The following GRIP1 variants were observed in gnomAD, a reference collection of about 807,000 sequenced individuals.
GRIP1 encodes the protein glutamate receptor interacting protein 1.
GRIP1 carries 45 observed loss-of-function variants against 129.9 expected under a neutral mutation model. That is an observed-to-expected ratio of 0.35 (90% confidence interval 0.27 to 0.44). GRIP1 has a LOEUF of 0.44. Among genes scored for constraint, GRIP1 ranks in the 20% least tolerant of loss-of-function variants. The pLI is 1.00. For missense variants in GRIP1, 1,196 were observed against 1,396.8 expected, an observed-to-expected ratio of 0.86 and a Z score of 2.29; for synonymous variants, 530 against 520.8, an observed-to-expected ratio of 1.02 and a Z score of -0.24.
intron 2 of GRIP1, among the ~76,000 whole-genome samples, chr12:66,561,915 G>A (rs2139404582): frequency 6.6e-6 from 1 of 152,090 alleles, no homozygotes; most frequent in South Asian, 2.1e-4. Flanking sequence ...ACAACTTGGT[G>A]AAACTCTGTC....
chr12:66,827,682 T>G (rs2137006745), intron 1 of GRIP1, among the ~76,000 whole-genome samples: 1 of 152,226 alleles, frequency 6.6e-6, no homozygotes, highest in East Asian at 1.9e-4. Flanking sequence ...GATTCAACTT[T>G]AGTGCAAGAA....
chr12:67,053,791 T>A (rs2043386533), intron 1 of GRIP1, among the ~76,000 whole-genome samples: 1 of 150,404 alleles, frequency 6.6e-6, no homozygotes, highest in Non-Finnish European at 1.5e-5. Context: ...TGAGCCGAGA[T>A]CGCACCACTG....
chr12:66,681,606 G>A (rs567481752), upstream of GRIP1, among the ~76,000 whole-genome samples: 1 of 152,268 alleles, frequency 6.6e-6, no homozygotes, highest in South Asian at 2.1e-4. Context: ...TGGTGGCTCA[G>A]CTGTCTAGAC....
intron 2 of GRIP1, among the ~76,000 whole-genome samples, chr12:66,581,751 T>G (rs1007821833): frequency 2.0e-5 from 3 of 152,142 alleles, no homozygotes; most frequent in African/African-American, 7.2e-5. Context: ...GCTGAAATTG[T>G]GGCAATAATC....
At chr12:66,394,740 A>G (rs1388092258) in intron 16 of GRIP1, among the ~76,000 whole-genome samples, 1 of 152,254 alleles carries the variant, frequency 6.6e-6, no homozygotes. Context: ...AGAGTCACTC[A>G]GTAACAAAGA....
intron 1 of GRIP1, among the ~76,000 whole-genome samples, chr12:66,843,826 A>G (rs779720294): frequency 2.0e-5 from 3 of 152,166 alleles, no homozygotes; most frequent in South Asian, 4.1e-4. Flanking sequence ...ATATTTAAAC[A>G]TAACAGCAAA....
chr12:66,757,155 C>T (rs2037318082), intron 1 of GRIP1, among the ~76,000 whole-genome samples: 3 of 152,028 alleles, frequency 2.0e-5, no homozygotes, highest in Admixed American at 1.3e-4. Context: ...TGACGGTTGT[C>T]ACCCTGTTGT....
At chr12:66,798,151 C>G (rs902236892) in intron 1 of GRIP1, among the ~76,000 whole-genome samples, 14 of 152,034 alleles carry the variant, frequency 9.2e-5, no homozygotes, top group African/African-American at 2.9e-4. Context: ...TAAATAGAAG[C>G]CTTGGTGATC....
At chr12:66,827,413 A>AGC (rs1555242980) in intron 1 of GRIP1, among the ~76,000 whole-genome samples, 1 of 150,888 alleles carries the variant, frequency 6.6e-6, no homozygotes, top group Non-Finnish European at 1.5e-5. Context: ...AGAGAGAGAG[A>AGC]GAGCGCACAA....
intron 1 of GRIP1, among the ~76,000 whole-genome samples, chr12:66,646,510 G>A (rs528377117): frequency 3.7e-4 from 57 of 152,198 alleles, no homozygotes; most frequent in Non-Finnish European, 6.6e-4. Context: ...TGCAGTCCCA[G>A]TGACTTGGGA....
chr12:66,853,614 G>A (rs1423561482), intron 1 of GRIP1, among the ~76,000 whole-genome samples: 3 of 151,780 alleles, frequency 2.0e-5, no homozygotes, highest in African/African-American at 7.3e-5. Context: ...TGAACACCAC[G>A]TTTATAAAGA....
At chr12:66,377,568 T>G (rs1407186124) in intron 20 of GRIP1, among the ~76,000 whole-genome samples, 1 of 150,020 alleles carries the variant, frequency 6.7e-6, no homozygotes, top group Non-Finnish European at 1.5e-5. Flanking sequence ...CTCGATCTCC[T>G]GACTTCGTGA....
intron 1 of GRIP1, among the ~76,000 whole-genome samples, chr12:67,055,255 T>C (rs2043415823): frequency 6.6e-6 from 1 of 152,148 alleles, no homozygotes; most frequent in African/African-American, 2.4e-5. Context: ...GCGACCCTGG[T>C]CATGCTGGAG....
At chr12:66,374,216 T>C (rs1303085062) in intron 22 of GRIP1, among the ~76,000 whole-genome samples, 1 of 152,188 alleles carries the variant, frequency 6.6e-6, no homozygotes, top group Non-Finnish European at 1.5e-5. Flanking sequence ...TGAAATGGAG[T>C]TTCACTCTGT....
chr12:66,627,715 CT>C (rs1265800594), intron 1 of GRIP1, among the ~76,000 whole-genome samples: 1 of 152,154 alleles, frequency 6.6e-6, no homozygotes, highest in African/African-American at 2.4e-5. Flanking sequence ...ACTGGATCCC[CT>C]GGGTGTAGTG....
chr12:66,729,290 G>A (rs1167383787), intron 1 of GRIP1, among the ~76,000 whole-genome samples: 1 of 152,010 alleles, frequency 6.6e-6, no homozygotes, highest in Non-Finnish European at 1.5e-5. Flanking sequence ...TTTTTGGCTA[G>A]TATTAAGAAA....
chr12:66,444,563 C>A, intron 13 of GRIP1, 21 bp downstream of exon 13: 1 of 1,600,264 alleles, frequency 6.2e-7, no homozygotes, highest in Non-Finnish European at 8.6e-7. Flanking sequence ...GCAGTCCACT[C>A]CTGAGATGAT....
chr12:66,666,297 C>A (rs1166043491), intron 1 of GRIP1, among the ~76,000 whole-genome samples: 1 of 152,112 alleles, frequency 6.6e-6, no homozygotes, highest in Non-Finnish European at 1.5e-5. Context: ...TAAATCTGTG[C>A]TACTCAATGG....
At chr12:67,017,309 GC>G (rs2135732908) in intron 1 of GRIP1, among the ~76,000 whole-genome samples, 1 of 151,668 alleles carries the variant, frequency 6.6e-6, no homozygotes, top group South Asian at 2.1e-4. Flanking sequence ...CCTCTCGGTG[GC>G]CCCTTTTACT....
Sources: allele counts gnomAD v4.1 joint callset (sites outside exome capture counted in the v4.1 genomes callset), GRCh38; gene constraint gnomAD v4.1.1; transcripts MANE v1.5; gene names NCBI Gene and HGNC (gene_info 2026-07-23, HGNC 2026-07-21).